The following LRWD1 variants were observed in gnomAD, a reference collection of about 807,000 sequenced individuals.
LRWD1 encodes leucine rich repeats and WD repeat domain containing 1, also known as leucine-rich repeat and WD repeat-containing protein 1.
Under a neutral mutation model 75.6 loss-of-function variants are expected in LRWD1, and 76 were observed. That is an observed-to-expected ratio of 1.01 (90% confidence interval 0.84 to 1.22). LRWD1 has a LOEUF of 1.22. LRWD1 is among the 50% of genes most tolerant of loss of function. The pLI, the probability that LRWD1 is intolerant of heterozygous loss-of-function variation, is 0.00. For synonymous variants in LRWD1, 487 were observed against 377.0 expected, an observed-to-expected ratio of 1.29 and a Z score of -3.38; for missense variants, 917 against 862.0, an observed-to-expected ratio of 1.06 and a Z score of -0.80.
intron 11 of LRWD1, chr7:102,471,877 T>A: frequency 3.5e-6 from 1 of 284,606 alleles, no homozygotes; most frequent in South Asian, 3.6e-5. Context: ...AAACACCTGC[T>A]CTACTTGGCT....
In LRWD1 at chr7:102,469,836, G is replaced by GGAT. The variant is rs1563656796; in HGVS notation, c.1397_1398insATG (p.Cys469dup). On this transcript the variant is annotated inframe_insertion, in exon 11 of 15. Coordinates refer to ENST00000292616, the MANE Select transcript of LRWD1 (RefSeq NM_152892.3). ...CCGCCTGCTGGCCGGCTGCGAGGGC[G>GGAT]GCTGCTGCTGCTGGGACGTGCGGCT... 1.2e-6 allele frequency: 2 copies of GGAT among 1,604,076 alleles called. No homozygotes were observed. Among genetic ancestry groups the GGAT allele is most frequent in the Admixed American group, 1.7e-5 (1 of 59,464 alleles).
chr7:102,468,678 C>G (rs1296358409), intron 8 of LRWD1, 24 bp downstream of exon 8: 1 of 1,554,426 alleles, frequency 6.4e-7, no homozygotes, highest in Non-Finnish European at 8.7e-7. Flanking sequence ...CCTGTCCCTG[C>G]TGGGCAAGGG....
At chr7:102,469,544 C>A (rs757992282) in intron 9 of LRWD1, 30 bp from the exon 10 acceptor site, 2 of 1,612,934 alleles carry the variant, frequency 1.2e-6, no homozygotes, top group Non-Finnish European at 8.5e-7. Flanking sequence ...ATCTCAGGGC[C>A]ACTTCTCCCC....
intron 5 of LRWD1, 21 bp from the exon 6 acceptor site, chr7:102,468,041 G>A (rs1352364450): frequency 4.4e-6 from 7 of 1,602,300 alleles, no homozygotes; most frequent in Non-Finnish European, 5.9e-6. Context: ...CAGGCCCATG[G>A]TCACAAGGCC....
In LRWD1 at chr7:102,468,106, C is replaced by G; in HGVS notation, c.723C>G (p.Ser241Arg). The change falls in exon 6 of 15, where the codon AGC becomes AGG. Residue 241 changes from serine to arginine, a missense_variant. By Grantham distance (110) the Ser-to-Arg change is moderately radical (BLOSUM62 -1). Transcript: ENST00000292616. The part of the protein sequence containing the change: ...ALKRPDDVPL[S>R]LSPSKRACAS... Reference sequence around the variant, plus strand: ...AACGGCCAGACGACGTCCCACTCAGCCTCTCTCCCAGCAAGCGGGCGTGTG... The same window carrying G: ...AACGGCCAGACGACGTCCCACTCAGGCTCTCTCCCAGCAAGCGGGCGTGTG... The G allele has an allele frequency of 1.2e-6, 2 of 1,610,444 alleles. No homozygotes were observed. Among genetic ancestry groups the G allele is most frequent in the East Asian group, 2.2e-5 (1 of 44,832 alleles).
At chr7:102,472,424 C>G (rs780406572) in intron 12 of LRWD1, 30 bp from the exon 13 acceptor site, 5 of 1,542,326 alleles carry the variant, frequency 3.2e-6, no homozygotes, top group Non-Finnish European at 4.4e-6. Context: ...GGAGGGGCCA[C>G]CCTGCACAGC....
intron 1 of LRWD1, chr7:102,465,616 T>C (rs1797946534): frequency 4.0e-6 from 2 of 506,056 alleles, no homozygotes; most frequent in Non-Finnish European, 7.1e-6. Context: ...AGCCCAGGAG[T>C]TGGAGGCAGC....
chr7:102,469,806 G>A lies in LRWD1; in HGVS notation c.1366G>A (p.Asp456Asn). ...LRLCPVASCP[D>N]ARLLAGCEGG... ...CCTCTGCCCTGTCGCCTCCTGCCCG[G>A]ACGCCCGCCTGCTGGCCGGCTGCGA... The change falls in exon 11 of 15, where the codon GAC becomes AAC. Residue 456 changes from aspartate (D) to asparagine (N), a missense_variant. By Grantham distance (23) the Asp-to-Asn change is conservative (BLOSUM62 1). Coordinates refer to ENST00000292616, the MANE Select transcript of LRWD1 (RefSeq NM_152892.3). 2 of 1,608,060 alleles carry A rather than the reference G, an allele frequency of 1.2e-6. No individual in the cohort carries two copies. The highest frequency in any genetic ancestry group is 2.2e-5 in the South Asian group (2 of 90,694).
intron 3 of LRWD1, among the ~76,000 whole-genome samples, chr7:102,466,631 T>G (rs1797986631): frequency 1.3e-5 from 2 of 152,098 alleles, no homozygotes; most frequent in Admixed American, 1.3e-4. Flanking sequence ...TTGGCCAGGC[T>G]GGCCTCAAAC....
chr7:102,468,490 C>T, intron 7 of LRWD1, 64 bp from the exon 8 acceptor site: 1 of 1,542,374 alleles, frequency 6.5e-7, no homozygotes, highest in East Asian at 2.4e-5. Flanking sequence ...GAGGAGGAGG[C>T]TGCAGGGAGG....
At chr7:102,469,437 T>C (rs1400515738) in intron 9 of LRWD1, 137 bp from the exon 10 acceptor site, 5 of 953,510 alleles carry the variant, frequency 5.2e-6, no homozygotes, top group East Asian at 2.5e-5. Context: ...GGAGTGTTCC[T>C]GTCTCCTAGC....
rs763448049 is a variant in LRWD1 at position 102,473,018 on chromosome 7, C to A, written c.1913C>A (p.Ser638Tyr). 1.9e-6 allele frequency: 3 copies of A among 1,614,028 alleles called. No individual in the cohort carries two copies. In the South Asian group the frequency reaches 3.3e-5, roughly 18 times the overall value. ...SFTYLTALTD[S>Y]NIVAIWGRM ...ACCTACCTCACCGCCCTGACGGACT[C>A]CAACATCGTAGCCATCTGGGGGAGG... Residue 638 changes from serine to tyrosine, a missense_variant, in exon 15 of 15, where the codon TCC becomes TAC. Physicochemically the swap from Ser to Tyr is moderately radical, Grantham distance 144. Coordinates refer to ENST00000292616, the MANE Select transcript of LRWD1 (RefSeq NM_152892.3).
Position 102,465,137 on chromosome 7 carries a change from G to A in LRWD1, c.57G>A (p.Arg19=). 6.6e-7 allele frequency: 1 copy of A among 1,517,416 alleles called. No homozygotes were observed. Among genetic ancestry groups the A allele is most frequent in the Non-Finnish European group, 8.8e-7 (1 of 1,137,452 alleles). 94.0% of individuals were successfully genotyped at this position (1,517,416 alleles called of 1,614,324 possible). A position where few individuals can be genotyped will look rare whatever the true frequency, so the allele number is the denominator to read the frequency against. ...AGCGCGGGCGCCCCAAGAGCGACCG[G>A]CTGGGGAAGATCCGGAGTCTGGAGT... ...LMQRGRPKSD[R]LGKIRSLDLS... The change falls in exon 1 of 15, where the codon CGG becomes CGA. Residue 19 remains arginine (R), a synonymous_variant. Transcript: ENST00000292616.
Position 102,465,798 on chromosome 7 carries a change from C to T in LRWD1, c.81-19C>T, listed in dbSNP as rs1329829251. The stretch of plus-strand genomic sequence containing the variant: ...TGCAAAGCCTGCCCGCCCCCTAAGC[C>T]TTCTGCCCCCAACTCCAGCCTGTCA... On this transcript the variant is annotated intron_variant, in intron 1 of 14. Transcript: ENST00000292616. 1.9e-6 allele frequency: 3 copies of T among 1,602,502 alleles called. No individual in the cohort carries two copies. Among genetic ancestry groups the T allele is most frequent in the East Asian group, 2.2e-5 (1 of 44,792 alleles).
At chr7:102,467,999 C>A in intron 5 of LRWD1, 63 bp from the exon 6 acceptor site, 1 of 1,579,092 alleles carries the variant, frequency 6.3e-7, no homozygotes, top group Non-Finnish European at 8.6e-7. Flanking sequence ...GGGGTCCAGC[C>A]TGTGATGGGG....
In LRWD1 at chr7:102,472,734, GGCTCTACGACGTCA is replaced by G. The variant is rs1563659317; in HGVS notation, c.1736_1749del (p.Leu579GlnfsTer?). ...TGTGGGGATGAGGAGGGCAACGTGT[GGCTCTACGACGTCA>G]GCAACATCCTGAAGCAGCCACCCCT... On this transcript the variant is annotated frameshift_variant, in exon 14 of 15. Coordinates refer to ENST00000292616, the MANE Select transcript of LRWD1 (RefSeq NM_152892.3). LOFTEE classifies it high-confidence loss of function. The G allele has an allele frequency of 1.2e-6, 2 of 1,613,548 alleles. No homozygotes were observed. Among genetic ancestry groups the G allele is most frequent in the Non-Finnish European group, 1.7e-6 (2 of 1,179,966 alleles).
chr7:102,467,171 G>GTGTGTGTGTATGTGTGTGTGTGTGTGT lies in LRWD1; in HGVS notation c.433-168_433-167insTGTGTGTGTATGTGTGTGTGTGTGTGT, dbSNP rs1554579596. 5.7e-4 allele frequency among the ~76,000 whole-genome samples: 57 copies of GTGTGTGTGTATGTGTGTGTGTGTGTGT among 99,144 alleles called. 1 individual carries two copies. The highest frequency in any genetic ancestry group is 9.9e-4 in the Non-Finnish European group (51 of 51,758). The allele number at this position is 99,144 out of a possible 152,430, so 65.0% of individuals were successfully genotyped here. A position where few individuals can be genotyped will look rare whatever the true frequency, so the allele number is the denominator to read the frequency against. On this transcript the variant is annotated intron_variant, in intron 3 of 14. Transcript: ENST00000292616. The stretch of plus-strand genomic sequence containing the variant: ...TGGGTTGTTGCTGGGGTGTGTGTGG[G>GTGTGTGTGTATGTGTGTGTGTGTGTGT]GTGTGTGTGTGTGTGTGTGTGTGTG...
In LRWD1 at chr7:102,469,072, T is replaced by C. The variant is rs201145087; in HGVS notation, c.1228+10T>C. 1.5e-4 allele frequency: 243 copies of C among 1,586,066 alleles called. No individual in the cohort carries two copies. Among genetic ancestry groups the C allele is most frequent in the Middle Eastern group, 2.3e-4 (1 of 4,436 alleles). On this transcript the variant is annotated intron_variant, in intron 9 of 14. Coordinates refer to ENST00000292616, the MANE Select transcript of LRWD1 (RefSeq NM_152892.3). The stretch of plus-strand genomic sequence containing the variant: ...GAGACCCATCTCTTCAGTAAGCCCC[T>C]CCCCTTCACCCCTGGGACCCCCAAG...
At position 102,468,878 on chromosome 7, in the gene LRWD1, C is replaced by T. The variant is rs778545979; in HGVS notation, c.1044C>T (p.Thr348=). 141 of 1,612,228 alleles carry T rather than the reference C, an allele frequency of 8.7e-5. No homozygotes were observed. Among genetic ancestry groups the T allele is most frequent in the Non-Finnish European group, 1.2e-4 (136 of 1,179,994 alleles). The change falls in exon 9 of 15, where the codon ACC becomes ACT. Residue 348 remains threonine, a synonymous_variant. Coordinates refer to ENST00000292616, the MANE Select transcript of LRWD1 (RefSeq NM_152892.3). ...AGGAGTTCTTTTCTGTGGCCTGGAC[C>T]GCTCTGATGGTGGTCACACAGGCTG... ...PGEEFFSVAW[T]ALMVVTQAGH...
Sources: allele counts gnomAD v4.1 joint callset (sites outside exome capture counted in the v4.1 genomes callset), GRCh38; gene constraint gnomAD v4.1.1; transcripts MANE v1.5; gene names NCBI Gene and HGNC (gene_info 2026-07-23, HGNC 2026-07-21).